The following ANKHD1 variants were observed in gnomAD, a reference collection of about 807,000 sequenced individuals.
The protein encoded by ANKHD1 is ankyrin repeat and KH domain containing 1, also known as ankyrin repeat and KH domain-containing protein 1.
Under a neutral mutation model 230.5 loss-of-function variants are expected in ANKHD1, and 31 were observed. The observed-to-expected ratio is 0.13, with a 90% CI of 0.10 to 0.18. The LOEUF is 0.18. Among genes scored for constraint, ANKHD1 ranks in the 10% least tolerant of loss-of-function variants. The pLI is 1.00. For synonymous variants in ANKHD1, 1,074 were observed against 1,117.6 expected, an observed-to-expected ratio of 0.96 and a Z score of 0.78; for missense variants, 2,256 against 3,071.3, an observed-to-expected ratio of 0.73 and a Z score of 6.27.
chr5:140,475,469 TAA>T (rs1179169998), intron 10 of ANKHD1, among the ~76,000 whole-genome samples: 1 of 151,776 alleles, frequency 6.6e-6, no homozygotes, highest in Non-Finnish European at 1.5e-5. Flanking sequence ...CCAAAATGGA[TAA>T]AAAAATATTT....
rs147818313 is a variant in ANKHD1 at position 140,514,063 on chromosome 5, C to T, written c.4317+584C>T. ...AGTTGGGCATGGTGGTACATGCCTG[C>T]AATCCTAGCTATTCAGGAGGCTGAA... On this transcript the variant is annotated intron_variant, in intron 24 of 33. Coordinates refer to ENST00000360839, the MANE Select transcript of ANKHD1 (RefSeq NM_017747.3). Among the ~76,000 whole-genome samples, 6 of 151,608 alleles carry T rather than the reference C, an allele frequency of 4.0e-5. No individual in the cohort carries two copies. In the East Asian group the frequency reaches 1.2e-3, roughly 30 times the overall value.
intron 1 of ANKHD1, among the ~76,000 whole-genome samples, chr5:140,417,590 A>G (rs1214097737): frequency 2.0e-5 from 3 of 152,048 alleles, no homozygotes; most frequent in Non-Finnish European, 4.4e-5. Context: ...AGCTGGGACT[A>G]TAGGTGCATG....
intron 10 of ANKHD1, among the ~76,000 whole-genome samples, chr5:140,473,722 TCTA>T (rs913028311): frequency 2.0e-5 from 3 of 152,242 alleles, no homozygotes; most frequent in Admixed American, 2.0e-4. Context: ...CATGTGAGCT[TCTA>T]CTCAGTTTGT....
intron 29 of ANKHD1, among the ~76,000 whole-genome samples, chr5:140,531,937 G>A (rs756607640): frequency 1.1e-4 from 16 of 152,098 alleles, no homozygotes; most frequent in Middle Eastern, 3.2e-3. Context: ...GGCCAGGCGC[G>A]GTGGCTCACG....
chr5:140,415,697 C>T (rs1278312784), intron 1 of ANKHD1, among the ~76,000 whole-genome samples: 1 of 151,928 alleles, frequency 6.6e-6, no homozygotes, highest in African/African-American at 2.4e-5. Flanking sequence ...CTCTGCCTCC[C>T]AAAGTGCTGG....
rs1254724434 is a variant in ANKHD1, at chr5:140,538,979, G to A, written c.7465G>A (p.Val2489Ile). Residue 2489 changes from valine (V) to isoleucine (I), a missense_variant, in exon 33 of 34, where the codon GTT (valine) becomes ATT (isoleucine). By Grantham distance (29) the Val-to-Ile change is conservative. Transcript: ENST00000360839. ...ACCCTCTCATCCTCAGCTTGCTGAT[G>A]TTCCAGGAGGCCCTCTGTTTAATGG... ...IIPSHPQLADVPGGPLFNGLH... is the reference protein window; with the variant it reads ...IIPSHPQLADIPGGPLFNGLH... 1 of 1,611,074 alleles carries A rather than the reference G, an allele frequency of 6.2e-7. No individual in the cohort carries two copies. The highest frequency in any genetic ancestry group is 1.3e-5 in the African/African-American group (1 of 74,938).
rs182473231 is a variant in ANKHD1 at position 140,477,381 on chromosome 5, T to A, written c.1783-5199T>A. 9.2e-5 allele frequency among the ~76,000 whole-genome samples: 14 copies of A among 152,316 alleles called. No homozygotes were observed. In the East Asian group the frequency reaches 2.7e-3, roughly 29 times the overall value. ...AAAATGATTGTTAAAAATCAAACAA[T>A]TTTTTATCTTTCATAAAGCTAGCAT... On this transcript the variant is annotated intron_variant, in intron 10 of 33. Coordinates refer to ENST00000360839, the MANE Select transcript of ANKHD1 (RefSeq NM_017747.3).
At chr5:140,449,848 A>G (rs981685548) in intron 7 of ANKHD1, among the ~76,000 whole-genome samples, 4 of 152,174 alleles carry the variant, frequency 2.6e-5, no homozygotes, top group Non-Finnish European at 5.9e-5. Context: ...GTGTTTTTAC[A>G]GTTTCATATT....
intron 24 of ANKHD1, among the ~76,000 whole-genome samples, chr5:140,515,285 A>T (rs1024668013): frequency 1.3e-5 from 2 of 152,166 alleles, no homozygotes; most frequent in African/African-American, 4.8e-5. Context: ...CCCCCCAAAA[A>T]AAAAAAAAAT....
intron 15 of ANKHD1, among the ~76,000 whole-genome samples, chr5:140,504,012 CT>C (rs1752432993): frequency 6.6e-6 from 1 of 152,164 alleles, no homozygotes; most frequent in African/African-American, 2.4e-5. Context: ...CACATACTCC[CT>C]GCTATTTATG....
chr5:140,425,542 AGCCACT>A (rs1772339623), intron 1 of ANKHD1, among the ~76,000 whole-genome samples: 1 of 150,736 alleles, frequency 6.6e-6, no homozygotes, highest in African/African-American at 2.4e-5. Context: ...TACAGGCATG[AGCCACT>A]GCCCCAGGCC....
At chr5:140,480,747 G>A (rs2127011634) in intron 10 of ANKHD1, among the ~76,000 whole-genome samples, 1 of 152,156 alleles carries the variant, frequency 6.6e-6, no homozygotes, top group Admixed American at 6.5e-5. Context: ...GGGAAGATTT[G>A]CAAGTTCAGT....
At chr5:140,503,167 T>G (rs1752379363) in intron 15 of ANKHD1, among the ~76,000 whole-genome samples, 1 of 152,210 alleles carries the variant, frequency 6.6e-6, no homozygotes, top group South Asian at 2.1e-4. Flanking sequence ...CTTTAAGTCC[T>G]ACGTGTTTTT....
At chr5:140,410,211 A>G (rs906711588) in intron 1 of ANKHD1, among the ~76,000 whole-genome samples, 1 of 151,908 alleles carries the variant, frequency 6.6e-6, no homozygotes, top group Non-Finnish European at 1.5e-5. Context: ...AAATACAACT[A>G]TGTGTATTTT....
chr5:140,427,305 G>A (rs1208152819), intron 1 of ANKHD1, among the ~76,000 whole-genome samples: 6 of 144,874 alleles, frequency 4.1e-5, no homozygotes, highest in African/African-American at 1.3e-4. Context: ...CGGACGGGGC[G>A]GCTGGCCGGG....
At chr5:140,454,163 A>G (rs1005572752) in intron 7 of ANKHD1, among the ~76,000 whole-genome samples, 1 of 152,214 alleles carries the variant, frequency 6.6e-6, no homozygotes, top group Non-Finnish European at 1.5e-5. Flanking sequence ...AGAGCTAACT[A>G]TCTTAAATAT....
intron 10 of ANKHD1, among the ~76,000 whole-genome samples, chr5:140,469,616 G>T (rs1318306610): frequency 6.6e-6 from 1 of 152,056 alleles, no homozygotes; most frequent in Non-Finnish European, 1.5e-5. Context: ...TTACTTTCTG[G>T]AAGTATGTGA....
At chr5:140,416,417 G>A (rs889746820) in intron 1 of ANKHD1, among the ~76,000 whole-genome samples, 1 of 152,078 alleles carries the variant, frequency 6.6e-6, no homozygotes, top group Non-Finnish European at 1.5e-5. Flanking sequence ...TTTGCTTGTG[G>A]ATATCCAGTT....
chr5:140,466,392 C>CA (rs5871737), intron 10 of ANKHD1, among the ~76,000 whole-genome samples: 52 of 131,910 alleles, frequency 3.9e-4, no homozygotes, highest in African/African-American at 8.0e-4. Flanking sequence ...AACGCCATCT[C>CA]AAAAAAAAAA....
Sources: allele counts gnomAD v4.1 joint callset (sites outside exome capture counted in the v4.1 genomes callset), GRCh38; gene constraint gnomAD v4.1.1; transcripts MANE v1.5; gene names NCBI Gene and HGNC (gene_info 2026-07-23, HGNC 2026-07-21).